ANKS1B: variants seen among roughly 807,000 people sequenced by gnomAD.
The protein encoded by ANKS1B is ankyrin repeat and sterile alpha motif domain containing 1B.
ANKS1B carries 36 observed loss-of-function variants against 148.3 expected under a neutral mutation model. The observed-to-expected ratio is 0.24, with a 90% CI of 0.19 to 0.32. The LOEUF is 0.32. ANKS1B is among the 10% of genes least tolerant of loss of function. The probability of loss-of-function intolerance (pLI) is 1.00; values close to 1 mark genes in which losing one functional copy is unlikely to be tolerated. For synonymous variants in ANKS1B, 542 were observed against 560.8 expected (o/e 0.97, Z 0.47); for missense variants, 1,157 against 1,542.6 (o/e 0.75, Z 4.19).
At chr12:99,767,706 T>A (rs992206062) in intron 8 of ANKS1B, among the ~76,000 whole-genome samples, 1 of 152,124 alleles carries the variant, frequency 6.6e-6, no homozygotes, top group Admixed American at 6.5e-5. Context: ...CTAATTCAAC[T>A]TAGAAAATGG....
chr12:98,851,482 T>C (rs1359542310), intron 17 of ANKS1B, among the ~76,000 whole-genome samples: 1 of 152,142 alleles, frequency 6.6e-6, no homozygotes, highest in Non-Finnish European at 1.5e-5. Flanking sequence ...GACATGTCTG[T>C]TTATGGTTTC....
chr12:99,470,486 A>G (rs1165277662), intron 10 of ANKS1B, among the ~76,000 whole-genome samples: 2 of 152,132 alleles, frequency 1.3e-5, no homozygotes, highest in Non-Finnish European at 2.9e-5. Flanking sequence ...TTCATGTAAC[A>G]TTTTGACTTT....
intron 1 of ANKS1B, among the ~76,000 whole-genome samples, chr12:99,876,551 C>T (rs1424839624): frequency 2.0e-5 from 3 of 151,934 alleles, no homozygotes; most frequent in African/African-American, 7.2e-5. Flanking sequence ...GGTGAAATCT[C>T]GTCTCTACTA....
intron 14 of ANKS1B, among the ~76,000 whole-genome samples, chr12:99,216,715 C>A (rs1272633854): frequency 2.0e-5 from 3 of 152,140 alleles, no homozygotes; most frequent in African/African-American, 4.8e-5. Flanking sequence ...TGTCTTGTCT[C>A]TTTTAAGAAG....
At chr12:99,752,902 G>A (rs2061243563) in intron 8 of ANKS1B, among the ~76,000 whole-genome samples, 1 of 151,914 alleles carries the variant, frequency 6.6e-6, no homozygotes, top group Non-Finnish European at 1.5e-5. Context: ...GGTAAAATAT[G>A]TCAAATTAAC....
intron 1 of ANKS1B, among the ~76,000 whole-genome samples, chr12:99,926,692 C>T (rs935585289): frequency 3.9e-5 from 6 of 152,166 alleles, no homozygotes; most frequent in African/African-American, 1.2e-4. Context: ...TATACATATG[C>T]ACATATCCTA....
At chr12:99,671,574 C>A (rs1259614605) in intron 8 of ANKS1B, among the ~76,000 whole-genome samples, 1 of 151,844 alleles carries the variant, frequency 6.6e-6, no homozygotes, top group Non-Finnish European at 1.5e-5. Context: ...AGCAGTTGTT[C>A]AGTTACATGA....
intron 1 of ANKS1B, among the ~76,000 whole-genome samples, chr12:99,920,443 A>C (rs1487482383): frequency 6.6e-6 from 1 of 152,034 alleles, no homozygotes; most frequent in Non-Finnish European, 1.5e-5. Context: ...TATAATCAAG[A>C]GTCTAGGAAA....
intron 9 of ANKS1B, among the ~76,000 whole-genome samples, chr12:99,616,007 G>A (rs946017117): frequency 2.6e-5 from 4 of 152,056 alleles, no homozygotes; most frequent in Non-Finnish European, 5.9e-5. Context: ...TAGACAAGCA[G>A]AGAGCCAAAT....
At chr12:98,750,224 C>T (rs1031250221) in intron 26 of ANKS1B, among the ~76,000 whole-genome samples, 31 of 151,940 alleles carry the variant, frequency 2.0e-4, no homozygotes, top group Non-Finnish European at 1.3e-4. Context: ...GGGCTCAGAG[C>T]GTGGCATCGG....
intron 1 of ANKS1B, among the ~76,000 whole-genome samples, chr12:99,922,745 C>G (rs1251590076): frequency 3.9e-5 from 6 of 151,986 alleles, no homozygotes; most frequent in African/African-American, 1.5e-4. Flanking sequence ...GTGAGAAATT[C>G]AAGAGGTGAT....
chr12:98,798,123 AT>A (rs10714780), intron 22 of ANKS1B, among the ~76,000 whole-genome samples: 52,764 of 142,874 alleles, frequency 0.37, 10,695 homozygotes, highest in East Asian at 0.71. Context: ...TGGAATTGCC[AT>A]TTTTTTTTTT....
chr12:99,874,864 C>T (rs773442533), intron 1 of ANKS1B, among the ~76,000 whole-genome samples: 6 of 152,150 alleles, frequency 3.9e-5, no homozygotes, highest in African/African-American at 4.8e-5. Context: ...GTTCAAAATA[C>T]ACATAAAGCA....
intron 17 of ANKS1B, among the ~76,000 whole-genome samples, chr12:99,029,105 A>T (rs2099950506): frequency 6.6e-6 from 1 of 152,214 alleles, no homozygotes; most frequent in Non-Finnish European, 1.5e-5. Flanking sequence ...ACTTGCAAAG[A>T]TGCATAATTA....
intron 17 of ANKS1B, among the ~76,000 whole-genome samples, chr12:99,023,175 T>A (rs6538892): frequency 0.49 from 74,880 of 151,934 alleles, 20,346 homozygotes; most frequent in African/African-American, 0.74. Context: ...ATTGGTTATT[T>A]TTTTCATTCT....
intron 14 of ANKS1B, among the ~76,000 whole-genome samples, chr12:99,178,852 C>T (rs1333866230): frequency 1.3e-5 from 2 of 152,120 alleles, no homozygotes; most frequent in African/African-American, 4.8e-5. Context: ...AAAATCTTAT[C>T]GAGGTCAAAT....
At chr12:99,899,803 C>T (rs2093522462) in intron 1 of ANKS1B, among the ~76,000 whole-genome samples, 1 of 152,060 alleles carries the variant, frequency 6.6e-6, no homozygotes, top group South Asian at 2.1e-4. Flanking sequence ...TTATAATCTA[C>T]CCTCAGGGAA....
intron 1 of ANKS1B, among the ~76,000 whole-genome samples, chr12:99,887,888 C>T (rs1406749337): frequency 6.6e-6 from 1 of 152,138 alleles, no homozygotes; most frequent in Non-Finnish European, 1.5e-5. Context: ...ACCTCCATGA[C>T]CAGAAAACCA....
chr12:99,977,883 TTAAC>T (rs1371294752), intron 1 of ANKS1B, among the ~76,000 whole-genome samples: 6 of 152,228 alleles, frequency 3.9e-5, no homozygotes, highest in Admixed American at 3.9e-4. Context: ...TGTATTTTAA[TTAAC>T]TAACATCATT....
Sources: allele counts gnomAD v4.1 joint callset (sites outside exome capture counted in the v4.1 genomes callset), GRCh38; gene constraint gnomAD v4.1.1; transcripts MANE v1.5; gene names NCBI Gene and HGNC (gene_info 2026-07-23, HGNC 2026-07-21).